The following GRIN2D variants were observed in gnomAD, a reference collection of about 807,000 sequenced individuals.
GRIN2D encodes the protein glutamate ionotropic receptor NMDA type subunit 2D.
GRIN2D carries 37 observed loss-of-function variants against 103.2 expected under a neutral mutation model. That is an observed-to-expected ratio of 0.36 (90% CI 0.28 to 0.47). The LOEUF (loss-of-function observed/expected upper bound fraction) is 0.47. GRIN2D is among the 20% of genes least tolerant of loss of function. The pLI is 1.00. For synonymous variants in GRIN2D, 845 were observed against 885.6 expected (o/e 0.95, Z 0.81); for missense variants, 1,557 against 1,910.6 (o/e 0.81, Z 3.45).
chr19:48,396,831 G>A (rs967502115), intron 2 of GRIN2D, among the ~76,000 whole-genome samples: 6 of 152,120 alleles, frequency 3.9e-5, no homozygotes, highest in Middle Eastern at 6.8e-3. Flanking sequence ...CAACCAGACA[G>A]GAGCATGACA....
chr19:48,417,730 G>T (rs953109597), intron 8 of GRIN2D, among the ~76,000 whole-genome samples: 3 of 152,174 alleles, frequency 2.0e-5, no homozygotes, highest in Admixed American at 6.6e-5. Context: ...GCCCAGCAGA[G>T]GTGACAGGCG....
intron 11 of GRIN2D, among the ~76,000 whole-genome samples, chr19:48,429,657 C>T (rs1971132544): frequency 6.6e-6 from 1 of 152,040 alleles, no homozygotes; most frequent in Non-Finnish European, 1.5e-5. Context: ...CCTCGGCCTC[C>T]CAAAGTGCTG....
chr19:48,442,028 G>A lies in GRIN2D; in HGVS notation c.2440+72G>A, dbSNP rs556941215. The A allele has an allele frequency of 1.6e-5, 25 of 1,524,034 alleles. No individual in the cohort carries two copies. In the South Asian group the frequency reaches 2.9e-4, roughly 18 times the overall value. 94.4% of individuals were successfully genotyped at this position (1,524,034 alleles called of 1,614,324 possible). ...GGCCCCTGGGTTCCGGGGAAGAAAG[G>A]GACAAAGACCCGGACACCAGGGTCT... On this transcript the variant is annotated intron_variant, in intron 12 of 13. Coordinates refer to ENST00000263269, the MANE Select transcript of GRIN2D (RefSeq NM_000836.4). The surrounding 1 kb of genome is among the most constrained non-coding windows in gnomAD (Gnocchi z 7.2).
rs774512040 is a variant in GRIN2D, at chr19:48,398,875, G to A, written c.465+18G>A. The A allele has an allele frequency of 8.3e-6, 11 of 1,321,498 alleles. 1 individual carries two copies. In the Admixed American group the frequency reaches 4.6e-4, roughly 55 times the overall value. The allele number at this position is 1,321,498 out of a possible 1,614,324, so 81.9% of individuals were successfully genotyped here. Reference sequence around the variant, plus strand: ...CGCCCAAGGTGCGCGCGACCGGGGCGGGGCGGGGCCACAGGAGGGGCGGGG... The same window carrying A: ...CGCCCAAGGTGCGCGCGACCGGGGCAGGGCGGGGCCACAGGAGGGGCGGGG... On this transcript the variant is annotated intron_variant, in intron 3 of 13. Transcript: ENST00000263269.
chr19:48,410,529 A>G (rs1970845635), intron 4 of GRIN2D, among the ~76,000 whole-genome samples: 2 of 143,200 alleles, frequency 1.4e-5, no homozygotes, highest in African/African-American at 2.7e-5. Flanking sequence ...CTCTGACTCA[A>G]AAAAAAAAAA....
chr19:48,433,550 G>A (rs1002964111), intron 11 of GRIN2D, among the ~76,000 whole-genome samples: 1 of 152,114 alleles, frequency 6.6e-6, no homozygotes, highest in Non-Finnish European at 1.5e-5. Context: ...TCACCCTACC[G>A]CTTCCGGCAA....
intron 2 of GRIN2D, among the ~76,000 whole-genome samples, chr19:48,395,474 G>A (rs1351546236): frequency 6.6e-6 from 1 of 152,004 alleles, no homozygotes; most frequent in Admixed American, 6.6e-5. Context: ...ATCAGGATTC[G>A]GGTGGGGAGA....
rs1455227465 is a variant in GRIN2D at position 48,394,840 on chromosome 19, GCT to G, written c.-118_-117del. The G allele has an allele frequency of 1.3e-5, 2 of 154,522 alleles. No individual in the cohort carries two copies. The highest frequency in any genetic ancestry group is 2.9e-5 in the Non-Finnish European group (2 of 69,636). 9.6% of individuals were successfully genotyped at this position (154,522 alleles called of 1,614,324 possible). A position where few individuals can be genotyped will look rare whatever the true frequency, so the allele number is the denominator to read the frequency against. On this transcript the variant is annotated 5_prime_UTR_variant, in exon 2 of 14. Coordinates refer to ENST00000263269, the MANE Select transcript of GRIN2D (RefSeq NM_000836.4). The surrounding 1 kb of genome is among the most constrained non-coding windows in gnomAD (Gnocchi z 5.1). ...CCCCGGGGCCTGCCCCCCGACATCGGCTCTCTGAGCCCTCCTCGGAATCTTGG... is the reference window on the plus strand; with the variant it reads ...CCCCGGGGCCTGCCCCCCGACATCGGCTCTGAGCCCTCCTCGGAATCTTGG...
At chr19:48,427,479 T>C (rs1237398244) in intron 11 of GRIN2D, among the ~76,000 whole-genome samples, 29 of 111,334 alleles carry the variant, frequency 2.6e-4, no homozygotes, top group African/African-American at 8.6e-4. Context: ...TTTCTTTTTT[T>C]TTTTTTTTTT....
intron 7 of GRIN2D, among the ~76,000 whole-genome samples, chr19:48,415,573 G>A (rs1970937156): frequency 6.9e-6 from 1 of 144,826 alleles, no homozygotes; most frequent in East Asian, 2.1e-4. Context: ...GGGACTCCTA[G>A]GGGAAGGGGG....
Position 48,441,223 on chromosome 19 carries a change from C to T in GRIN2D, c.2253-546C>T, listed in dbSNP as rs547236389. On this transcript the variant is annotated intron_variant, in intron 11 of 13. Coordinates refer to ENST00000263269, the MANE Select transcript of GRIN2D (RefSeq NM_000836.4). ...ACTAAAAATGCAAAAATTAGCTGGG[C>T]GTGGTAGTGGGCACCTATAATCCCA... Among the ~76,000 whole-genome samples, 4 of 151,720 alleles carry T rather than the reference C, an allele frequency of 2.6e-5. No individual in the cohort carries two copies. In the South Asian group the frequency reaches 8.4e-4, roughly 32 times the overall value.
At chr19:48,420,961 G>T (rs559161790) in intron 10 of GRIN2D, among the ~76,000 whole-genome samples, 63 of 152,278 alleles carry the variant, frequency 4.1e-4, no homozygotes, top group South Asian at 1.9e-3. Flanking sequence ...GTTTGTTGAG[G>T]GACTGGTGGT....
Position 48,393,690 on chromosome 19 carries a change from C to T in GRIN2D, c.-484C>T, listed in dbSNP as rs1172981110. On this transcript the variant is annotated 5_prime_UTR_variant, in exon 1 of 14. Transcript: ENST00000263269. This position sits in a 1 kb window ranked among gnomAD's most constrained non-coding sequence, Gnocchi z 5.6. ...CGCATCCCGAGTGAGTGTGTGTGTGCGAGAACACAGCGAGTGTGTGAGTCC... is the reference window on the plus strand; with the variant it reads ...CGCATCCCGAGTGAGTGTGTGTGTGTGAGAACACAGCGAGTGTGTGAGTCC... 2.0e-5 allele frequency among the ~76,000 whole-genome samples: 3 copies of T among 151,824 alleles called. No homozygotes were observed. The highest frequency in any genetic ancestry group is 2.9e-5 in the Non-Finnish European group (2 of 67,914).
At chr19:48,400,148 C>G (rs1970693508) in intron 3 of GRIN2D, among the ~76,000 whole-genome samples, 1 of 152,106 alleles carries the variant, frequency 6.6e-6, no homozygotes, top group Admixed American at 6.5e-5. Context: ...CCCAAGGGCA[C>G]AGAAGGGGCC....
intron 11 of GRIN2D, among the ~76,000 whole-genome samples, chr19:48,429,238 G>A (rs1202517740): frequency 6.6e-6 from 1 of 151,912 alleles, no homozygotes; most frequent in South Asian, 2.1e-4. Context: ...GTTTAGTTTG[G>A]TTTGGGAGTC....
chr19:48,398,251 C>T, intron 2 of GRIN2D, 116 bp from the exon 3 acceptor site: 1 of 278,178 alleles, frequency 3.6e-6, no homozygotes, highest in Non-Finnish European at 5.7e-6. Context: ...CCCATCTCGG[C>T]GCCTGTCCCT....
chr19:48,399,982 G>A (rs749843358), intron 3 of GRIN2D, among the ~76,000 whole-genome samples: 2 of 152,086 alleles, frequency 1.3e-5, no homozygotes, highest in East Asian at 1.9e-4. Context: ...GGCATACCCC[G>A]CTGTGAGGTG....
chr19:48,406,110 G>T (rs1441783920), intron 4 of GRIN2D, among the ~76,000 whole-genome samples: 6 of 152,210 alleles, frequency 3.9e-5, no homozygotes, highest in Non-Finnish European at 8.8e-5. Flanking sequence ...GAATTAGCTA[G>T]ACGTCTATTC....
rs576321942 is a variant in GRIN2D at position 48,405,155 on chromosome 19, G to A, written c.887G>A (p.Gly296Glu). 167 of 1,576,880 alleles carry A rather than the reference G, an allele frequency of 1.1e-4. 1 individual carries two copies. The East Asian group carries it at 3.8e-3, about 36-fold the overall frequency. Reference protein sequence around the residue: ...GAPGEPPLLPGGAPLPAGLFA... With the variant: ...GAPGEPPLLPEGAPLPAGLFA... The stretch of plus-strand genomic sequence containing the variant: ...CCTGGTGAGCCCCCTCTTCTGCCAG[G>A]AGGCGCCCCCCTGCCTGCCGGGCTG... Residue 296 changes from glycine to glutamate, a missense_variant, in exon 4 of 14, where the codon GGA becomes GAA. Gly to Glu is a moderately conservative substitution (Grantham distance 98, BLOSUM62 -2). This residue lies in a region of GRIN2D where 490 missense variants were observed against 601.1 expected (regional missense o/e 0.82). Transcript: ENST00000263269. The surrounding 1 kb of genome is among the most constrained non-coding windows in gnomAD (Gnocchi z 5.1).
Sources: gnomAD v4.1 joint callset for allele counts (sites outside exome capture counted in the v4.1 genomes callset) on GRCh38, gnomAD v4.1.1 for gene constraint, gnomAD v4.1.1 regional missense constraint, Gnocchi (gnomAD v3.1) non-coding constraint, MANE v1.5 for transcripts, NCBI Gene and HGNC (gene_info 2026-07-23, HGNC 2026-07-21) for gene names.